THSD7A: variants seen among roughly 807,000 people sequenced by gnomAD.
THSD7A encodes thrombospondin type-1 domain-containing protein 7A.
In THSD7A, 96 loss-of-function variants were observed where a neutral mutation model predicts 231.3. The ratio of observed to expected loss-of-function variants is 0.41; its 90% CI spans 0.35 to 0.49. The LOEUF is 0.49. Among genes scored for constraint, THSD7A ranks in the 20% least tolerant of loss-of-function variants. THSD7A has a pLI of 0.05. For synonymous variants in THSD7A, 940 were observed against 743.3 expected, an observed-to-expected ratio of 1.26 and a Z score of -4.30; for missense variants, 2,290 against 2,070.2, an observed-to-expected ratio of 1.11 and a Z score of -2.06.
At position 11,411,269 on chromosome 7, in the gene THSD7A, T is replaced by G. The variant is rs1783776386; in HGVS notation, c.3736A>C (p.Thr1246Pro). 6.2e-7 allele frequency: 1 copy of G among 1,613,748 alleles called. No homozygotes were observed. The highest frequency in any genetic ancestry group is 8.5e-7 in the Non-Finnish European group (1 of 1,179,840). ...CTTCGAACACAATCCAACATCCTTGTTTTTATTCCATTTCCACAAACTGCC... is the reference window on the plus strand; with the variant it reads ...CTTCGAACACAATCCAACATCCTTGGTTTTATTCCATTTCCACAAACTGCC... ...EKAVCGNGIKTRMLDCVRSDG... is the reference protein window; with the variant it reads ...EKAVCGNGIKPRMLDCVRSDG... The change falls in exon 19 of 28, where the codon ACA becomes CCA. Residue 1246 changes from threonine (T) to proline (P), a missense_variant. Transcript: ENST00000423059. This position sits in a 1 kb window ranked among gnomAD's most constrained non-coding sequence, Gnocchi z 4.1.
chr7:11,827,755 C>T (rs1271873166), intron 1 of THSD7A, among the ~76,000 whole-genome samples: 1 of 152,160 alleles, frequency 6.6e-6, no homozygotes, highest in Non-Finnish European at 1.5e-5. Flanking sequence ...CACTAATTTT[C>T]CCATGAGATA....
intron 6 of THSD7A, among the ~76,000 whole-genome samples, chr7:11,539,869 C>A (rs1789068651): frequency 6.6e-6 from 1 of 152,096 alleles, no homozygotes; most frequent in Non-Finnish European, 1.5e-5. Context: ...TACCTGAGAC[C>A]CTAATTCCTC....
At chr7:11,542,863 A>T (rs1789211965) in intron 5 of THSD7A, 99 bp downstream of exon 5, 2 of 1,335,626 alleles carry the variant, frequency 1.5e-6, no homozygotes, top group Middle Eastern at 1.9e-4. Flanking sequence ...CATTCTGGAA[A>T]ATACCACAAA....
intron 17 of THSD7A, among the ~76,000 whole-genome samples, chr7:11,414,974 G>GAGTT (rs780201581): frequency 6.6e-6 from 1 of 152,182 alleles, no homozygotes; most frequent in East Asian, 1.9e-4. Flanking sequence ...GAAACAATGT[G>GAGTT]AGTTAAAGGT....
At chr7:11,388,076 T>C (rs28882219) in intron 23 of THSD7A, among the ~76,000 whole-genome samples, 14,458 of 152,146 alleles carry the variant, frequency 0.095, 1,777 homozygotes, top group African/African-American at 0.28. Context: ...AGATAAGCTT[T>C]TTGATGTGCT....
At position 11,429,101 on chromosome 7, in the gene THSD7A, A is replaced by G. The variant is rs1255981036; in HGVS notation, c.3089T>C (p.Ile1030Thr). The change falls in exon 14 of 28, where the codon ATC (isoleucine) becomes ACC (threonine). Residue 1030 changes from isoleucine (I) to threonine (T), a missense_variant. Coordinates refer to ENST00000423059, the MANE Select transcript of THSD7A (RefSeq NM_015204.3). ...GAGCTTGCAGTCTGAGGGGCAGGGG[A>G]TGATGCAGGCCTCCTCAATGTAACC... ...SHGYIEEACI[I>T]PCPSDCKLSE... The G allele has an allele frequency of 6.2e-7, 1 of 1,607,644 alleles. No homozygotes were observed. Among genetic ancestry groups the G allele is most frequent in the Admixed American group, 1.7e-5 (1 of 58,160 alleles).
At chr7:11,776,280 C>G (rs1783403326) in intron 1 of THSD7A, among the ~76,000 whole-genome samples, 1 of 152,184 alleles carries the variant, frequency 6.6e-6, no homozygotes, top group African/African-American at 2.4e-5. Flanking sequence ...AGTAGCTATT[C>G]TTATCTCACA....
At chr7:11,821,287 C>T (rs1194156257) in intron 1 of THSD7A, 13 of 936,912 alleles carry the variant, frequency 1.4e-5, no homozygotes, top group East Asian at 9.8e-5. Context: ...GAAAATGGAA[C>T]GAAACTCCTA....
chr7:11,644,152 T>A (rs886573348), intron 1 of THSD7A, among the ~76,000 whole-genome samples: 10 of 152,134 alleles, frequency 6.6e-5, no homozygotes, highest in Admixed American at 5.9e-4. Context: ...TCCTTCCCTG[T>A]TTTTCAGCAT....
At chr7:11,618,680 T>C (rs2681039) in intron 2 of THSD7A, among the ~76,000 whole-genome samples, 46,476 of 151,604 alleles carry the variant, frequency 0.31, 7,475 homozygotes, top group South Asian at 0.39. Flanking sequence ...CCCAGCTACT[T>C]GGGACGCTGA....
At chr7:11,476,346 CA>C (rs1786177071) in intron 7 of THSD7A, among the ~76,000 whole-genome samples, 1 of 151,242 alleles carries the variant, frequency 6.6e-6, no homozygotes, top group African/African-American at 2.4e-5. Context: ...CACACACACA[CA>C]CACACACACA....
chr7:11,556,055 T>C (rs1285106587), intron 4 of THSD7A, among the ~76,000 whole-genome samples: 1 of 151,862 alleles, frequency 6.6e-6, no homozygotes, highest in East Asian at 1.9e-4. Context: ...TTAATTAGTA[T>C]ACTTAGACTA....
chr7:11,615,487 T>C (rs1199701614), intron 2 of THSD7A, among the ~76,000 whole-genome samples: 1 of 152,226 alleles, frequency 6.6e-6, no homozygotes, highest in Admixed American at 6.5e-5. Flanking sequence ...AACCCCTTCC[T>C]ACTTTAAACT....
intron 6 of THSD7A, among the ~76,000 whole-genome samples, chr7:11,484,638 C>T (rs1481572222): frequency 2.6e-5 from 4 of 151,892 alleles, no homozygotes; most frequent in East Asian, 1.9e-4. Context: ...GAATAGTGCC[C>T]GACACGTAGG....
chr7:11,501,335 C>T (rs1787329221), intron 6 of THSD7A, among the ~76,000 whole-genome samples: 1 of 152,234 alleles, frequency 6.6e-6, no homozygotes, highest in African/African-American at 2.4e-5. Flanking sequence ...ACATTCTTCT[C>T]ATTGCCACAT....
At chr7:11,506,743 T>G (rs1787559530) in intron 6 of THSD7A, among the ~76,000 whole-genome samples, 1 of 152,186 alleles carries the variant, frequency 6.6e-6, no homozygotes, top group African/African-American at 2.4e-5. Flanking sequence ...TTCTAACACT[T>G]TCCTCTCTGA....
chr7:11,611,836 A>ATCTG (rs1165153832), intron 2 of THSD7A, among the ~76,000 whole-genome samples: 72 of 135,344 alleles, frequency 5.3e-4, no homozygotes, highest in Non-Finnish European at 6.8e-4. Context: ...ACACACTATC[A>ATCTG]TCTGTCTATC....
At chr7:11,779,250 G>C (rs1326323270) in intron 1 of THSD7A, among the ~76,000 whole-genome samples, 1 of 152,106 alleles carries the variant, frequency 6.6e-6, no homozygotes, top group Non-Finnish European at 1.5e-5. Context: ...CCACCTTTCA[G>C]AAAAGTCCAC....
In THSD7A at chr7:11,533,185, A is replaced by G. The variant is rs76661389; in HGVS notation, c.1822+8234T>C. Among the ~76,000 whole-genome samples the G allele has an allele frequency of 9.8e-4, 149 of 152,314 alleles. 2 individuals carry two copies. The East Asian group carries it at 0.026, about 27-fold the overall frequency. ...TAAAACTTTGCCAATTTAGACTTGG[A>G]GAAATTCAGACAGTTCAGAGTGAAA... On this transcript the variant is annotated intron_variant, in intron 6 of 27. Coordinates refer to ENST00000423059, the MANE Select transcript of THSD7A (RefSeq NM_015204.3).
Sources: allele counts gnomAD v4.1 joint callset (sites outside exome capture counted in the v4.1 genomes callset), GRCh38; gene constraint gnomAD v4.1.1; non-coding constraint Gnocchi (gnomAD v3.1); transcripts MANE v1.5; gene names NCBI Gene and HGNC (gene_info 2026-07-23, HGNC 2026-07-21).